The following FBXL17 variants were observed in gnomAD, a reference collection of about 807,000 sequenced individuals.
The protein encoded by FBXL17 is F-box and leucine rich repeat protein 17.
FBXL17 carries 22 observed loss-of-function variants against 66.2 expected under a neutral mutation model. That is an observed-to-expected ratio of 0.33 (90% CI 0.24 to 0.47). The LOEUF is 0.47. FBXL17 is among the 20% of genes least tolerant of loss of function. The pLI, the probability that FBXL17 is intolerant of heterozygous loss-of-function variation, is 1.00. For synonymous variants in FBXL17, 474 were observed against 400.5 expected, an observed-to-expected ratio of 1.18 and a Z score of -2.19; for missense variants, 878 against 948.2, an observed-to-expected ratio of 0.93 and a Z score of 0.97.
chr5:107,908,716 T>C (rs1176690145), intron 7 of FBXL17, among the ~76,000 whole-genome samples: 1 of 152,024 alleles, frequency 6.6e-6, no homozygotes, highest in East Asian at 1.9e-4. Flanking sequence ...GGCCCTTGGG[T>C]GGGAATGCTC....
chr5:108,345,280 T>C (rs1175062673), intron 4 of FBXL17, among the ~76,000 whole-genome samples: 1 of 151,594 alleles, frequency 6.6e-6, no homozygotes, highest in Non-Finnish European at 1.5e-5. Context: ...GAAGTTGCAG[T>C]GAGCTGAGAT....
chr5:108,235,152 C>T (rs74941371), intron 4 of FBXL17, among the ~76,000 whole-genome samples: 18,441 of 152,076 alleles, frequency 0.12, 1,357 homozygotes, highest in Admixed American at 0.16. Flanking sequence ...TTAATACTGC[C>T]GGATTATAGA....
At chr5:108,145,951 G>A (rs1187905802) in intron 6 of FBXL17, among the ~76,000 whole-genome samples, 1 of 151,616 alleles carries the variant, frequency 6.6e-6, no homozygotes, top group Non-Finnish European at 1.5e-5. Flanking sequence ...GGGTGCAGTG[G>A]CTCACGCCTT....
chr5:108,149,394 T>C (rs894166245), intron 6 of FBXL17, among the ~76,000 whole-genome samples: 7 of 152,232 alleles, frequency 4.6e-5, no homozygotes, highest in Non-Finnish European at 1.0e-4. Flanking sequence ...AATTCTTTCC[T>C]TCAAAGATAG....
intron 5 of FBXL17, among the ~76,000 whole-genome samples, chr5:108,200,101 T>G (rs535159520): frequency 3.3e-5 from 5 of 152,174 alleles, no homozygotes; most frequent in East Asian, 3.9e-4. Context: ...CCAACACAAG[T>G]TGGAGCTGCA....
At chr5:108,059,023 T>C (rs996343447) in intron 6 of FBXL17, among the ~76,000 whole-genome samples, 1 of 152,192 alleles carries the variant, frequency 6.6e-6, no homozygotes, top group African/African-American at 2.4e-5. Context: ...TGGGTCACAA[T>C]GCATATATGA....
At chr5:107,982,913 C>T (rs141233667) in intron 7 of FBXL17, among the ~76,000 whole-genome samples, 8 of 152,218 alleles carry the variant, frequency 5.3e-5, no homozygotes, top group East Asian at 3.9e-4. Context: ...CCCACTGCTA[C>T]GTTTGGCCAT....
chr5:108,280,730 A>T, intron 4 of FBXL17, among the ~76,000 whole-genome samples: 2 of 110,462 alleles, frequency 1.8e-5, no homozygotes, highest in African/African-American at 3.6e-5. Context: ...GGCAGAATGA[A>T]TTAAAAAAAA....
At chr5:108,194,487 G>A (rs998055564) in intron 5 of FBXL17, among the ~76,000 whole-genome samples, 11 of 152,178 alleles carry the variant, frequency 7.2e-5, no homozygotes, top group Admixed American at 7.2e-4. Flanking sequence ...CAGCCGCCAA[G>A]GAACCAGGTA....
At chr5:108,055,308 AAAAAAG>A (rs1561388294) in intron 6 of FBXL17, among the ~76,000 whole-genome samples, 3 of 21,916 alleles carry the variant, frequency 1.4e-4, no homozygotes, top group African/African-American at 4.2e-4. Flanking sequence ...AAAAAAAAAA[AAAAAAG>A]AAAAACGCTT....
chr5:107,860,360 A>G lies in FBXL17; in HGVS notation c.*1360T>C, dbSNP rs1003123644. 1 of 152,660 alleles carries G rather than the reference A, an allele frequency of 6.6e-6. No homozygotes were observed. The highest frequency in any genetic ancestry group is 1.5e-5 in the Non-Finnish European group (1 of 68,040). The allele number at this position is 152,660 out of a possible 1,614,324, so 9.5% of individuals were successfully genotyped here. On this transcript the variant is annotated 3_prime_UTR_variant, in exon 9 of 9. Coordinates refer to ENST00000542267, the MANE Select transcript of FBXL17 (RefSeq NM_001163315.3). ...CTACTGTGAAAGATAATCACTCTTT[A>G]GCTTAAAAAGGCTCCCTGATGTCCT...
At chr5:108,128,340 T>C (rs1400047379) in intron 6 of FBXL17, among the ~76,000 whole-genome samples, 2 of 152,176 alleles carry the variant, frequency 1.3e-5, no homozygotes, top group African/African-American at 4.8e-5. Context: ...TGGATTTCCA[T>C]CTGTGATGGA....
chr5:108,219,031 T>C (rs1311614469), intron 5 of FBXL17, among the ~76,000 whole-genome samples: 1 of 152,226 alleles, frequency 6.6e-6, no homozygotes, highest in African/African-American at 2.4e-5. Flanking sequence ...TTTAAAATAC[T>C]GTTAGACATG....
intron 6 of FBXL17, among the ~76,000 whole-genome samples, chr5:108,132,188 C>T (rs1750963111): frequency 6.6e-6 from 1 of 152,252 alleles, no homozygotes; most frequent in South Asian, 2.1e-4. Flanking sequence ...GTTGGTCAGG[C>T]TGGTCTCAAA....
intron 7 of FBXL17, among the ~76,000 whole-genome samples, chr5:107,912,356 C>T (rs893920495): frequency 3.3e-5 from 5 of 152,096 alleles, no homozygotes; most frequent in Admixed American, 3.3e-4. Context: ...ATATTGCTCG[C>T]TGCACCCAAA....
chr5:108,196,698 T>G (rs1484343894), intron 5 of FBXL17, among the ~76,000 whole-genome samples: 1 of 152,184 alleles, frequency 6.6e-6, no homozygotes, highest in African/African-American at 2.4e-5. Context: ...TTCTCTTAAC[T>G]CCATCAAATG....
intron 1 of FBXL17, among the ~76,000 whole-genome samples, chr5:108,369,139 GT>G (rs1748864128): frequency 6.6e-6 from 1 of 152,086 alleles, no homozygotes; most frequent in African/African-American, 2.4e-5. Flanking sequence ...CTGCCATATT[GT>G]TTATGTAAAA....
At chr5:108,347,210 G>A (rs1415636598) in intron 4 of FBXL17, among the ~76,000 whole-genome samples, 2 of 152,258 alleles carry the variant, frequency 1.3e-5, no homozygotes, top group Non-Finnish European at 2.9e-5. Context: ...CCCCTAAGCT[G>A]CAAAGCTGAA....
chr5:108,184,557 T>C (rs1261614954), intron 6 of FBXL17, among the ~76,000 whole-genome samples: 1 of 151,788 alleles, frequency 6.6e-6, no homozygotes, highest in African/African-American at 2.4e-5. Context: ...TCCGCCCGCC[T>C]TGGCCTCCCA....
Sources: gnomAD v4.1 joint callset for allele counts (sites outside exome capture counted in the v4.1 genomes callset) on GRCh38, gnomAD v4.1.1 for gene constraint, MANE v1.5 for transcripts, NCBI Gene and HGNC (gene_info 2026-07-23, HGNC 2026-07-21) for gene names.